The following ATP8A2 variants were observed in gnomAD, a reference collection of about 807,000 sequenced individuals.
ATP8A2 encodes the protein ATPase phospholipid transporting 8A2, also known as phospholipid-transporting ATPase IB.
ATP8A2 carries 100 observed loss-of-function variants against 165.6 expected under a neutral mutation model. The observed-to-expected ratio is 0.60, with a 90% CI of 0.51 to 0.71. The LOEUF (loss-of-function observed/expected upper bound fraction) is 0.71, where lower values mean the gene tolerates loss of function less well. ATP8A2 is among the 30% of genes least tolerant of loss of function. The pLI, the probability that ATP8A2 is intolerant of heterozygous loss-of-function variation, is 0.00. For synonymous variants in ATP8A2, 543 were observed against 548.8 expected (o/e 0.99, Z 0.15); for missense variants, 1,227 against 1,479.5 (o/e 0.83, Z 2.80).
rs751847177 is a variant in ATP8A2 at position 25,860,246 on chromosome 13, T to C, written c.3008T>C (p.Ile1003Thr). ...HATDYLFVGN[I>T]VYTYVVVTVC... is the part of the protein sequence containing the mutation. ...ACCGACTATTTATTTGTTGGAAATATTGTTTACACAGTAAGTTTATCTCTG... is the reference window on the plus strand; with the variant it reads ...ACCGACTATTTATTTGTTGGAAATACTGTTTACACAGTAAGTTTATCTCTG... Residue 1003 changes from isoleucine to threonine, a missense_variant, in exon 31 of 37, where the codon ATT becomes ACT. Ile to Thr is a moderately conservative substitution (Grantham distance 89, BLOSUM62 -1). This residue lies in a region of ATP8A2 where 260 missense variants were observed against 245.1 expected (regional missense o/e 1.06). Transcript: ENST00000381655. The C allele has an allele frequency of 1.9e-6, 3 of 1,609,024 alleles. No homozygotes were observed. Among genetic ancestry groups the C allele is most frequent in the East Asian group, 2.2e-5 (1 of 44,832 alleles).
chr13:25,488,446 T>A (rs1291635715), intron 2 of ATP8A2, among the ~76,000 whole-genome samples: 1 of 152,238 alleles, frequency 6.6e-6, no homozygotes, highest in Non-Finnish European at 1.5e-5. Flanking sequence ...ACTTTACCAT[T>A]ACAAGGAGTC....
intron 1 of ATP8A2, among the ~76,000 whole-genome samples, chr13:25,452,278 T>C (rs1200448520): frequency 6.6e-6 from 1 of 152,214 alleles, no homozygotes; most frequent in East Asian, 1.9e-4. Flanking sequence ...CACATTCCCC[T>C]CTGGCATCGT....
intron 33 of ATP8A2, among the ~76,000 whole-genome samples, chr13:25,892,169 A>G (rs306422): frequency 0.29 from 44,447 of 151,532 alleles, 7,646 homozygotes; most frequent in African/African-American, 0.47. Flanking sequence ...AGTAGAGGTG[A>G]GGTTTCACTG....
intron 33 of ATP8A2, chr13:25,927,164 C>A (rs993691337): frequency 1.5e-5 from 7 of 456,648 alleles, no homozygotes; most frequent in Non-Finnish European, 3.1e-5. Flanking sequence ...CTGGATATTG[C>A]CCTCCGTGCT....
chr13:25,468,344 T>G (rs1393919061), intron 1 of ATP8A2, among the ~76,000 whole-genome samples: 1 of 152,124 alleles, frequency 6.6e-6, no homozygotes, highest in Non-Finnish European at 1.5e-5. Context: ...TCCAGGTGCA[T>G]GTAGGGAGAA....
At chr13:25,504,649 A>G (rs1200623419) in intron 2 of ATP8A2, among the ~76,000 whole-genome samples, 1 of 147,930 alleles carries the variant, frequency 6.8e-6, no homozygotes, top group South Asian at 2.1e-4. Flanking sequence ...CTGAGGCAGG[A>G]GAATGGCGTG....
chr13:25,819,814 A>C (rs217908), intron 27 of ATP8A2, among the ~76,000 whole-genome samples: 27,856 of 152,120 alleles, frequency 0.18, 2,709 homozygotes, highest in Admixed American at 0.24. Flanking sequence ...ATCTTACTAC[A>C]TATGGCCAGA....
intron 5 of ATP8A2, 48 bp downstream of exon 5, chr13:25,532,365 A>G (rs2137929242): frequency 7.3e-7 from 1 of 1,372,176 alleles, no homozygotes. Context: ...ACTTAAGAAT[A>G]AGGCCTGCAT....
chr13:25,578,919 G>A lies in ATP8A2; in HGVS notation c.1867+20G>A. ...CGGAAGGTAAGTGGAATTTGGAAAT[G>A]CTGTTTTTGGCCATTGGAGCTGTAC... On this transcript the variant is annotated intron_variant, in intron 21 of 36. Transcript: ENST00000381655. The A allele has an allele frequency of 2.7e-6, 4 of 1,502,122 alleles. No individual in the cohort carries two copies. The highest frequency in any genetic ancestry group is 3.7e-6 in the Non-Finnish European group (4 of 1,078,868). 93.0% of individuals were successfully genotyped at this position (1,502,122 alleles called of 1,614,324 possible).
chr13:25,402,372 C>G (rs2033665572), intron 1 of ATP8A2, among the ~76,000 whole-genome samples: 1 of 152,150 alleles, frequency 6.6e-6, no homozygotes, highest in Non-Finnish European at 1.5e-5. Context: ...GTGTCAGACA[C>G]AAACAGGCTT....
chr13:25,539,089 G>GCGCA (rs2038384311), intron 7 of ATP8A2, among the ~76,000 whole-genome samples: 1 of 119,260 alleles, frequency 8.4e-6, no homozygotes, highest in African/African-American at 2.7e-5. Flanking sequence ...GTGTGTGTGT[G>GCGCA]TGTGTGTGTG....
chr13:25,587,533 C>T (rs2039957950), intron 23 of ATP8A2, among the ~76,000 whole-genome samples: 1 of 152,102 alleles, frequency 6.6e-6, no homozygotes, highest in Admixed American at 6.5e-5. Context: ...AATAAAGCAG[C>T]AAGCGAGGGC....
intron 2 of ATP8A2, among the ~76,000 whole-genome samples, chr13:25,509,125 A>C (rs2037140671): frequency 6.6e-6 from 1 of 152,230 alleles, no homozygotes; most frequent in South Asian, 2.1e-4. Flanking sequence ...GATATGGTGT[A>C]GCATTTCTAG....
In ATP8A2 at chr13:26,024,639, A is replaced by C. The variant is rs1461021051; in HGVS notation, c.*4654A>C. On this transcript the variant is annotated 3_prime_UTR_variant, in exon 37 of 37. Coordinates refer to ENST00000381655, the MANE Select transcript of ATP8A2 (RefSeq NM_016529.6). ...TCTCCCAACTGAGGAGAGACAAAAG[A>C]GGGATTCTTTTTACACCCAGGCTGG... The C allele has an allele frequency of 6.6e-6, 1 of 152,202 alleles. No homozygotes were observed. Among genetic ancestry groups the C allele is most frequent in the East Asian group, 1.9e-4 (1 of 5,194 alleles). 9.4% of individuals were successfully genotyped at this position (152,202 alleles called of 1,614,324 possible).
intron 30 of ATP8A2, among the ~76,000 whole-genome samples, chr13:25,856,753 C>T (rs1441799548): frequency 6.6e-6 from 1 of 152,160 alleles, no homozygotes; most frequent in Non-Finnish European, 1.5e-5. Context: ...TCCTCCTTCT[C>T]CCCTTCCTCC....
chr13:26,007,751 G>A (rs975136321), intron 35 of ATP8A2, among the ~76,000 whole-genome samples: 39 of 152,194 alleles, frequency 2.6e-4, no homozygotes, highest in African/African-American at 9.2e-4. Flanking sequence ...AGGAGGTGAA[G>A]CCAAGGAGGC....
chr13:25,407,429 T>C (rs2033837170), intron 1 of ATP8A2, among the ~76,000 whole-genome samples: 1 of 152,206 alleles, frequency 6.6e-6, no homozygotes, highest in African/African-American at 2.4e-5. Flanking sequence ...CAACTGTATG[T>C]ATTTTGGAAA....
intron 33 of ATP8A2, among the ~76,000 whole-genome samples, chr13:25,891,990 C>CT (rs370206922): frequency 0.063 from 8,969 of 142,578 alleles, 347 homozygotes; most frequent in East Asian, 0.17. Context: ...AAGCCTTTTT[C>CT]TTTTTTTTTT....
intron 24 of ATP8A2, among the ~76,000 whole-genome samples, chr13:25,663,434 A>G (rs188222826): frequency 3.3e-5 from 5 of 152,316 alleles, no homozygotes; most frequent in Non-Finnish European, 7.3e-5. Flanking sequence ...CTTTGCAATT[A>G]AAATGAACTA....
Sources: gnomAD v4.1 joint callset for allele counts (sites outside exome capture counted in the v4.1 genomes callset) on GRCh38, gnomAD v4.1.1 for gene constraint, gnomAD v4.1.1 regional missense constraint, MANE v1.5 for transcripts, NCBI Gene and HGNC (gene_info 2026-07-23, HGNC 2026-07-21) for gene names.